The following ROBO2 variants were observed in gnomAD, a reference collection of about 807,000 sequenced individuals.
ROBO2 encodes roundabout guidance receptor 2, also known as roundabout homolog 2.
A neutral mutation model predicts 160.8 loss-of-function variants in ROBO2; 53 were observed. That is an observed-to-expected ratio of 0.33 (90% confidence interval 0.26 to 0.41). ROBO2 has a LOEUF of 0.41. ROBO2 is among the 10% of genes least tolerant of loss of function. The pLI, the probability that ROBO2 is intolerant of heterozygous loss-of-function variation, is 1.00. For missense variants in ROBO2, 1,577 were observed against 1,722.4 expected, an observed-to-expected ratio of 0.92 and a Z score of 1.49; for synonymous variants, 664 against 611.7, an observed-to-expected ratio of 1.09 and a Z score of -1.26.
intron 2 of ROBO2, among the ~76,000 whole-genome samples, chr3:76,524,903 C>T (rs902402276): frequency 2.9e-5 from 4 of 136,940 alleles, no homozygotes; most frequent in African/African-American, 5.5e-5. Context: ...ATGATTTCTA[C>T]GCCTCACATT....
chr3:77,100,212 A>G (rs2071717603), intron 2 of ROBO2, among the ~76,000 whole-genome samples: 2 of 152,084 alleles, frequency 1.3e-5, no homozygotes, highest in Non-Finnish European at 2.9e-5. Context: ...TTTGAAGTAA[A>G]TGAGCTTTAA....
intron 13 of ROBO2, among the ~76,000 whole-genome samples, chr3:77,573,333 A>C (rs2093683139): frequency 6.6e-6 from 1 of 152,018 alleles, no homozygotes; most frequent in African/African-American, 2.4e-5. Context: ...TACAGAGAAG[A>C]ATATATTTCA....
intron 2 of ROBO2, among the ~76,000 whole-genome samples, chr3:76,447,312 C>T (rs1222466129): frequency 6.6e-6 from 1 of 152,106 alleles, no homozygotes; most frequent in East Asian, 1.9e-4. Flanking sequence ...CTCTGGCCAT[C>T]AGAGAAATGC....
chr3:76,654,843 T>TTA lies in ROBO2; in HGVS notation c.110-443160_110-443159dup, dbSNP rs1553854202. Among the ~76,000 whole-genome samples, 5 of 112,848 alleles carry TTA rather than the reference T, an allele frequency of 4.4e-5. No individual in the cohort carries two copies. In the East Asian group the frequency reaches 1.3e-3, roughly 30 times the overall value. 74.0% of individuals were successfully genotyped at this position (112,848 alleles called of 152,430 possible). A position where few individuals can be genotyped will look rare whatever the true frequency, so the allele number is the denominator to read the frequency against. The stretch of plus-strand genomic sequence containing the variant: ...AAAATTTTCCTTGATTATAATTTTT[T>TTA]TATATATATATACACACACGTACAT... On this transcript the variant is annotated intron_variant, in intron 2 of 26. Coordinates refer to the ROBO2 transcript ENST00000487694.
chr3:76,759,680 T>C (rs998486590), intron 2 of ROBO2, among the ~76,000 whole-genome samples: 1 of 146,530 alleles, frequency 6.8e-6, no homozygotes, highest in South Asian at 2.1e-4. Flanking sequence ...GAGGAGTTTG[T>C]ATGTGTTATA....
At chr3:76,196,016 C>G (rs6764787) in intron 2 of ROBO2, among the ~76,000 whole-genome samples, 113,911 of 151,944 alleles carry the variant, frequency 0.75, 44,438 homozygotes, top group Non-Finnish European at 0.87. Flanking sequence ...GTGTAATACC[C>G]TCTCATAGGA....
chr3:75,921,367 C>T (rs900720985), intron 1 of ROBO2, among the ~76,000 whole-genome samples: 10 of 151,916 alleles, frequency 6.6e-5, no homozygotes, highest in African/African-American at 1.2e-4. Flanking sequence ...CACACACACA[C>T]ACATTGCATA....
chr3:76,036,953 T>C (rs1006052892), intron 2 of ROBO2, among the ~76,000 whole-genome samples: 5 of 152,050 alleles, frequency 3.3e-5, no homozygotes, highest in Non-Finnish European at 5.9e-5. Flanking sequence ...TACCCATGCT[T>C]GTTTTTCAGT....
rs139694894 is a variant in ROBO2 at position 76,435,661 on chromosome 3, T to C, written c.109+498059T>C. 9.7e-3 allele frequency among the ~76,000 whole-genome samples: 1,480 copies of C among 152,274 alleles called. 22 individuals carry two copies. Among genetic ancestry groups the C allele is most frequent in the African/African-American group, 0.034 (1,419 of 41,550 alleles). On this transcript the variant is annotated intron_variant, in intron 2 of 26. Coordinates refer to the ROBO2 transcript ENST00000487694. ...CAGCTTTTCCATATCAGCTCAACCA[T>C]GCCGCCAGTCCATTCTTATGGAACT...
At chr3:76,434,628 G>A in intron 2 of ROBO2, 1 of 1,454,290 alleles carries the variant, frequency 6.9e-7, no homozygotes, top group Non-Finnish European at 9.7e-7. Flanking sequence ...GCAAAACGGG[G>A]CTGTGGCAAA....
intron 2 of ROBO2, among the ~76,000 whole-genome samples, chr3:77,129,921 A>G (rs1308097572): frequency 3.3e-5 from 5 of 152,150 alleles, no homozygotes; most frequent in Admixed American, 2.6e-4. Context: ...TGGTTGTCAC[A>G]TAAAATCCAC....
exon 4 of ROBO2, chr3:77,481,161 T>C (rs776091168): frequency 2.5e-6 from 4 of 1,610,306 alleles, no homozygotes; most frequent in South Asian, 2.2e-5. Context: ...TGTATACTTG[T>C]GTTGGTACCA....
chr3:76,803,446 G>GGGAA (rs201925731), intron 2 of ROBO2, among the ~76,000 whole-genome samples: 1 of 146,842 alleles, frequency 6.8e-6, no homozygotes, highest in African/African-American at 2.6e-5. Context: ...GAAGGATGGA[G>GGGAA]GGAAGGAAGG....
At chr3:77,046,345 C>A (rs2064668116) in intron 1 of ROBO2, among the ~76,000 whole-genome samples, 1 of 152,198 alleles carries the variant, frequency 6.6e-6, no homozygotes, top group African/African-American at 2.4e-5. Flanking sequence ...CCCAATAGTC[C>A]TGATTTCTAA....
chr3:77,168,698 A>T (rs1025134551), intron 2 of ROBO2, among the ~76,000 whole-genome samples: 8 of 152,194 alleles, frequency 5.3e-5, no homozygotes, highest in African/African-American at 1.9e-4. Flanking sequence ...CAGGGAACTT[A>T]AAACAAACAA....
intron 2 of ROBO2, among the ~76,000 whole-genome samples, chr3:77,359,844 A>C (rs750944450): frequency 4.6e-5 from 7 of 151,920 alleles, no homozygotes; most frequent in Admixed American, 6.6e-5. Flanking sequence ...ACACTCACCA[A>C]ATATTTTTAT....
intron 2 of ROBO2, among the ~76,000 whole-genome samples, chr3:77,130,627 A>C (rs879672185): frequency 1.4e-4 from 21 of 152,202 alleles, no homozygotes; most frequent in Non-Finnish European, 2.8e-4. Flanking sequence ...AATGGTGAAA[A>C]TATTTAAGAT....
rs75964212 is a variant in ROBO2 at position 77,494,016 on chromosome 3, C to T, written c.806+634C>T. On this transcript the variant is annotated intron_variant, in intron 5 of 25. Transcript: ENST00000461745. ...CAAACCCAATCTCTCAAACTCTAAC[C>T]TGTATTCAAAAATGCTTTTCATCAT... 7.1e-3 allele frequency among the ~76,000 whole-genome samples: 1,082 copies of T among 152,232 alleles called. 8 individuals are homozygous for T. Among genetic ancestry groups the T allele is most frequent in the African/African-American group, 0.024 (996 of 41,536 alleles).
At chr3:77,629,566 T>A (rs1337856194) in intron 23 of ROBO2, 1 of 152,192 alleles carries the variant, frequency 6.6e-6, no homozygotes, top group Non-Finnish European at 1.5e-5. Flanking sequence ...CCACTTAATG[T>A]AAATTTTTTA....
Sources: allele counts gnomAD v4.1 joint callset (sites outside exome capture counted in the v4.1 genomes callset), GRCh38; gene constraint gnomAD v4.1.1; transcripts MANE v1.5; gene names NCBI Gene and HGNC (gene_info 2026-07-23, HGNC 2026-07-21).